The following COL25A1 variants were observed in gnomAD, a reference collection of about 807,000 sequenced individuals.
COL25A1 encodes the protein collagen alpha-1(XXV) chain.
COL25A1 carries 103 observed loss-of-function variants against 128.4 expected under a neutral mutation model. That is an observed-to-expected ratio of 0.80 (90% CI 0.68 to 0.94). The LOEUF (loss-of-function observed/expected upper bound fraction) is 0.94. COL25A1 is among the 40% of genes least tolerant of loss of function. The pLI, the probability that COL25A1 is intolerant of heterozygous loss-of-function variation, is 0.00. For synonymous variants in COL25A1, 279 were observed against 277.2 expected (o/e 1.01, Z -0.06); for missense variants, 745 against 840.0 (o/e 0.89, Z 1.40).
chr4:108,896,805 A>G, intron 15 of COL25A1, 94 bp from the exon 16 acceptor site: 1 of 1,116,778 alleles, frequency 9.0e-7, no homozygotes, highest in Non-Finnish European at 1.4e-6. Flanking sequence ...CATGAACACT[A>G]CATATTAAAA....
rs182168989 is a variant in COL25A1 at position 108,915,367 on chromosome 4, C to G, written c.780+2805G>C. 1.6e-4 allele frequency among the ~76,000 whole-genome samples: 24 copies of G among 151,808 alleles called. No homozygotes were observed. In the East Asian group the frequency reaches 4.7e-3, roughly 30 times the overall value. On this transcript the variant is annotated intron_variant, in intron 13 of 37. Coordinates refer to ENST00000399132, the MANE Select transcript of COL25A1 (RefSeq NM_198721.4). The stretch of plus-strand genomic sequence containing the variant: ...TCTTTTTCTCTTTCTCTCTCTCTCC[C>G]TTTCTTTTTTATAAATAGAGACAGG...
At position 108,901,144 on chromosome 4, in the gene COL25A1, CCTA is replaced by C. The variant is rs764539737; in HGVS notation, c.806_808del (p.Val269del). The C allele has an allele frequency of 1.8e-5, 29 of 1,612,352 alleles. No homozygotes were observed. In the African/African-American group the frequency reaches 3.6e-4, roughly 20 times the overall value. ...CTTAGGTCCTGGTATTCCATTCTGT[CCTA>C]CTGCTCCAGGCAACCCGGGCTCACC... On this transcript the variant is annotated inframe_deletion, in exon 14 of 38. Coordinates refer to ENST00000399132, the MANE Select transcript of COL25A1 (RefSeq NM_198721.4).
rs1578975169 is a variant in COL25A1, at chr4:108,983,087, A to G, written c.439-8528T>C. Among the ~76,000 whole-genome samples, 3 of 152,208 alleles carry G rather than the reference A, an allele frequency of 2.0e-5. No individual in the cohort carries two copies. In the South Asian group the frequency reaches 6.2e-4, roughly 32 times the overall value. Reference sequence around the variant, plus strand: ...AATACAAATTAAATACAGTCAAATTACCGCTCCTGCCAATCAAAACGAAGG... The same window carrying G: ...AATACAAATTAAATACAGTCAAATTGCCGCTCCTGCCAATCAAAACGAAGG... On this transcript the variant is annotated intron_variant, in intron 6 of 37. Coordinates refer to ENST00000399132, the MANE Select transcript of COL25A1 (RefSeq NM_198721.4).
chr4:109,190,006 T>C (rs1416644265), intron 3 of COL25A1, among the ~76,000 whole-genome samples: 1 of 152,028 alleles, frequency 6.6e-6, no homozygotes, highest in Non-Finnish European at 1.5e-5. Context: ...AAAGCCGAGA[T>C]AGAAATAAAT....
intron 3 of COL25A1, among the ~76,000 whole-genome samples, chr4:109,078,888 A>G (rs1353722971): frequency 2.0e-5 from 3 of 152,198 alleles, no homozygotes; most frequent in Non-Finnish European, 4.4e-5. Flanking sequence ...GCATTTCTGA[A>G]TGTGAGTTCT....
chr4:109,025,183 C>T (rs1016457872), intron 5 of COL25A1, among the ~76,000 whole-genome samples: 4 of 152,158 alleles, frequency 2.6e-5, no homozygotes, highest in African/African-American at 9.7e-5. Context: ...GATTGGCAAT[C>T]AAGGTGTAAG....
intron 3 of COL25A1, among the ~76,000 whole-genome samples, chr4:109,212,558 G>C (rs1777657774): frequency 6.6e-6 from 1 of 152,110 alleles, no homozygotes; most frequent in Non-Finnish European, 1.5e-5. Context: ...GATTAAAGGA[G>C]AGGGAAATTA....
intron 21 of COL25A1, among the ~76,000 whole-genome samples, 161 bp downstream of exon 21, chr4:108,863,158 T>C (rs537783236): frequency 1.3e-5 from 2 of 152,208 alleles, no homozygotes; most frequent in South Asian, 2.1e-4. Context: ...GTGAGGTGAA[T>C]TGTAAAATCT....
intron 13 of COL25A1, among the ~76,000 whole-genome samples, chr4:108,913,123 A>C (rs985634953): frequency 3.3e-5 from 5 of 152,068 alleles, no homozygotes; most frequent in African/African-American, 1.2e-4. Flanking sequence ...CCTCAGAAAA[A>C]TTCTAGCTTG....
At chr4:108,977,873 C>A (rs1481923886) in intron 6 of COL25A1, among the ~76,000 whole-genome samples, 1 of 152,190 alleles carries the variant, frequency 6.6e-6, no homozygotes. Flanking sequence ...GCCTCCATAT[C>A]CACCCCCTTC....
chr4:108,813,688 T>G lies in COL25A1; in HGVS notation c.*239A>C. 1 of 431,896 alleles carries G rather than the reference T, an allele frequency of 2.3e-6. No homozygotes were observed. The allele number at this position is 431,896 out of a possible 1,614,324, so 26.8% of individuals were successfully genotyped here. ...TGATTTGTCCATATAAATACGTATC[T>G]TCACATAAGATAAGGAGATACTGAT... is the stretch of plus-strand genomic sequence containing the variant. On this transcript the variant is annotated 3_prime_UTR_variant, in exon 38 of 38. Coordinates refer to ENST00000399132, the MANE Select transcript of COL25A1 (RefSeq NM_198721.4).
intron 24 of COL25A1, 27 bp from the exon 25 acceptor site, chr4:108,852,952 CAG>C: frequency 1.2e-6 from 2 of 1,601,612 alleles, no homozygotes; most frequent in African/African-American, 1.3e-5. Context: ...TTGACAAAGA[CAG>C]AGTTATCTAT....
chr4:109,234,573 C>G (rs1779351702), intron 3 of COL25A1, among the ~76,000 whole-genome samples: 1 of 152,042 alleles, frequency 6.6e-6, no homozygotes, highest in South Asian at 2.1e-4. Context: ...TGCTGGCAGC[C>G]ATCTTAGATA....
Position 109,195,847 on chromosome 4 carries a change from AAAATC to A in COL25A1, c.367+104731_367+104735del, listed in dbSNP as rs144000969. On this transcript the variant is annotated intron_variant, in intron 3 of 37. Coordinates refer to ENST00000399132, the MANE Select transcript of COL25A1 (RefSeq NM_198721.4). ...CATAACAAGAATAGAGTACAGAACA[AAAATC>A]AACTCAACAAGTCAACCCATATGTT... 3.6e-3 allele frequency among the ~76,000 whole-genome samples: 541 copies of A among 152,298 alleles called. 1 individual carries two copies. Among genetic ancestry groups the A allele is most frequent in the African/African-American group, 0.012 (498 of 41,564 alleles).
At chr4:109,221,080 C>A (rs1380302179) in intron 3 of COL25A1, among the ~76,000 whole-genome samples, 1 of 151,800 alleles carries the variant, frequency 6.6e-6, no homozygotes, top group Non-Finnish European at 1.5e-5. Context: ...TTATTTAGTA[C>A]TTAATATGCA....
intron 6 of COL25A1, among the ~76,000 whole-genome samples, chr4:109,006,204 A>G (rs1385973976): frequency 6.6e-6 from 1 of 151,358 alleles, no homozygotes; most frequent in East Asian, 1.9e-4. Context: ...AAAAACCCAT[A>G]ACAAGCTTCT....
At chr4:109,149,609 C>T (rs920299716) in intron 3 of COL25A1, among the ~76,000 whole-genome samples, 7 of 152,106 alleles carry the variant, frequency 4.6e-5, no homozygotes, top group Non-Finnish European at 1.0e-4. Context: ...TGCGAGGTTG[C>T]GACATGTAAA....
intron 35 of COL25A1, among the ~76,000 whole-genome samples, chr4:108,822,199 A>AC (rs1446776045): frequency 6.7e-6 from 1 of 149,928 alleles, no homozygotes; most frequent in Admixed American, 6.6e-5. Flanking sequence ...ACCCACCACC[A>AC]CCCCCAGCTA....
intron 3 of COL25A1, among the ~76,000 whole-genome samples, chr4:109,240,603 C>A (rs529661271): frequency 3.7e-4 from 57 of 152,188 alleles, no homozygotes; most frequent in African/African-American, 1.3e-3. Context: ...TCATTGAATT[C>A]ACACGTCCAT....
Sources: allele counts gnomAD v4.1 joint callset (sites outside exome capture counted in the v4.1 genomes callset), GRCh38; gene constraint gnomAD v4.1.1; transcripts MANE v1.5; gene names NCBI Gene and HGNC (gene_info 2026-07-23, HGNC 2026-07-21).